Variants in ADAMTSL1 observed in about 807,000 individuals in gnomAD.
ADAMTSL1 encodes the protein ADAMTS-like protein 1.
In ADAMTSL1, 126 loss-of-function variants were observed where a neutral mutation model predicts 201.8. The ratio of observed to expected loss-of-function variants is 0.62; its 90% CI spans 0.54 to 0.72. ADAMTSL1 has a LOEUF of 0.72. Ranked by LOEUF, ADAMTSL1 falls within the 30% of genes least tolerant of loss-of-function variation. The probability of loss-of-function intolerance (pLI) is 0.00; values close to 1 mark genes in which losing one functional copy is unlikely to be tolerated. For synonymous variants in ADAMTSL1, 1,121 were observed against 903.4 expected, an observed-to-expected ratio of 1.24 and a Z score of -4.32; for missense variants, 2,679 against 2,277.8, an observed-to-expected ratio of 1.18 and a Z score of -3.59.
chr9:18,843,578 C>T (rs1397360092), intron 23 of ADAMTSL1, among the ~76,000 whole-genome samples: 1 of 150,426 alleles, frequency 6.6e-6, no homozygotes, highest in East Asian at 1.9e-4. Context: ...CTGAATGTTG[C>T]CCTGCCTTGC....
Position 18,737,290 on chromosome 9 carries a change from G to A in ADAMTSL1, c.2006+15625G>A, listed in dbSNP as rs187281550. ...ACTGAGATCACACCATTGCACTCCA[G>A]CCTGCCCAACAAGAGTGAAACTCTG... On this transcript the variant is annotated intron_variant, in intron 15 of 28. Coordinates refer to ENST00000380548, the MANE Select transcript of ADAMTSL1 (RefSeq NM_001040272.6). Among the ~76,000 whole-genome samples, 44 of 121,562 alleles carry A rather than the reference G, an allele frequency of 3.6e-4. 1 individual carries two copies. The highest frequency in any genetic ancestry group is 1.1e-3 in the African/African-American group (34 of 31,896). The allele number at this position is 121,562 out of a possible 152,430, so 79.7% of individuals were successfully genotyped here.
chr9:18,257,533 G>A (rs1042780352), intron 2 of ADAMTSL1, among the ~76,000 whole-genome samples: 1 of 152,154 alleles, frequency 6.6e-6, no homozygotes, highest in African/African-American at 2.4e-5. Flanking sequence ...AAAATAAAAT[G>A]TGTGGGTGAT....
chr9:18,329,029 A>G (rs750192241), intron 2 of ADAMTSL1, among the ~76,000 whole-genome samples: 2 of 152,000 alleles, frequency 1.3e-5, no homozygotes, highest in Non-Finnish European at 2.9e-5. Context: ...AAAATTTCCT[A>G]TGTTGAAAGC....
At chr9:18,565,252 A>G (rs1416087149) in intron 3 of ADAMTSL1, among the ~76,000 whole-genome samples, 2 of 152,242 alleles carry the variant, frequency 1.3e-5, no homozygotes, top group Non-Finnish European at 2.9e-5. Flanking sequence ...TAGTAAACAC[A>G]TAGTAGGGCA....
At chr9:17,989,207 G>A (rs544774495) in intron 1 of ADAMTSL1, among the ~76,000 whole-genome samples, 1 of 151,922 alleles carries the variant, frequency 6.6e-6, no homozygotes, top group Admixed American at 6.6e-5. Context: ...TACCGAGACA[G>A]TCCTTGATAA....
rs113049145 is a variant in ADAMTSL1 at position 18,089,329 on chromosome 9, G to A, written c.88-74533G>A. Among the ~76,000 whole-genome samples the A allele has an allele frequency of 4.5e-3, 689 of 152,236 alleles. 5 individuals are homozygous for A. The highest frequency in any genetic ancestry group is 0.016 in the African/African-American group (650 of 41,528). ...TGTCCTTTGCAGGAACATGGATGAA[G>A]CTGGGAACCATCGTTCTCAGCAAAC... is the stretch of plus-strand genomic sequence containing the variant. On this transcript the variant is annotated intron_variant, in intron 1 of 29. Transcript: ENST00000680146.
At chr9:18,437,389 C>T (rs917505713) in intron 2 of ADAMTSL1, among the ~76,000 whole-genome samples, 13 of 152,102 alleles carry the variant, frequency 8.5e-5, no homozygotes, top group Admixed American at 3.3e-4. Flanking sequence ...ATTTGTCCCT[C>T]CAGTTTCTTC....
At chr9:18,042,964 T>A (rs1454242155) in intron 1 of ADAMTSL1, among the ~76,000 whole-genome samples, 1 of 152,118 alleles carries the variant, frequency 6.6e-6, no homozygotes, top group Non-Finnish European at 1.5e-5. Context: ...TGATAAGAAG[T>A]AATTGAAGCC....
At chr9:18,608,785 G>A (rs1825193031) in intron 4 of ADAMTSL1, among the ~76,000 whole-genome samples, 1 of 152,082 alleles carries the variant, frequency 6.6e-6, no homozygotes, top group South Asian at 2.1e-4. Flanking sequence ...AGGATTTTGT[G>A]ACTCCTGTTT....
intron 2 of ADAMTSL1, among the ~76,000 whole-genome samples, chr9:18,408,447 G>T (rs187403897): frequency 6.6e-6 from 1 of 151,922 alleles, no homozygotes; most frequent in Admixed American, 6.6e-5. Flanking sequence ...CTCCAGCCTG[G>T]GTGATAGAGT....
At chr9:18,557,919 T>C (rs994016953) in intron 3 of ADAMTSL1, among the ~76,000 whole-genome samples, 5 of 152,006 alleles carry the variant, frequency 3.3e-5, no homozygotes, top group African/African-American at 1.2e-4. Flanking sequence ...TTATATATAA[T>C]TAAAAAGCAC....
chr9:18,905,732 C>A (rs1830265474), intron 26 of ADAMTSL1, 50 bp from the exon 27 acceptor site: 6 of 1,494,938 alleles, frequency 4.0e-6, no homozygotes, highest in Middle Eastern at 1.8e-4. Flanking sequence ...CGGCGGCCTC[C>A]ACCCTTGACT....
At chr9:18,602,810 T>A (rs1038896191) in intron 4 of ADAMTSL1, among the ~76,000 whole-genome samples, 2 of 152,178 alleles carry the variant, frequency 1.3e-5, no homozygotes, top group South Asian at 2.1e-4. Context: ...TGTAGAAAGG[T>A]ATCTGACACA....
intron 22 of ADAMTSL1, among the ~76,000 whole-genome samples, chr9:18,828,210 C>G (rs1824713712): frequency 6.6e-6 from 1 of 152,106 alleles, no homozygotes; most frequent in Non-Finnish European, 1.5e-5. Context: ...AAGTGGTGGC[C>G]TCTACCCCTG....
intron 1 of ADAMTSL1, among the ~76,000 whole-genome samples, chr9:18,046,124 G>A (rs573551021): frequency 1.3e-5 from 2 of 152,268 alleles, no homozygotes; most frequent in African/African-American, 2.4e-5. Flanking sequence ...TAAGGGAATG[G>A]CAAGTTGAGG....
chr9:18,266,974 A>G (rs1263308604), intron 2 of ADAMTSL1, among the ~76,000 whole-genome samples: 3 of 152,170 alleles, frequency 2.0e-5, no homozygotes, highest in Non-Finnish European at 4.4e-5. Context: ...AAGACGACGT[A>G]CACAGCAGGA....
intron 23 of ADAMTSL1, among the ~76,000 whole-genome samples, chr9:18,832,308 T>G (rs1250267463): frequency 6.6e-6 from 1 of 152,124 alleles, no homozygotes; most frequent in Non-Finnish European, 1.5e-5. Flanking sequence ...CAGACCACAG[T>G]GTGCGCTCTG....
chr9:18,579,506 A>T (rs1490033648), intron 4 of ADAMTSL1, among the ~76,000 whole-genome samples: 3 of 152,100 alleles, frequency 2.0e-5, no homozygotes, highest in Non-Finnish European at 4.4e-5. Context: ...TAAAAAATAA[A>T]TAAATAAAAA....
rs533137954 is a variant in ADAMTSL1 at position 17,969,814 on chromosome 9, C to T, written c.87+62892C>T. Among the ~76,000 whole-genome samples the T allele has an allele frequency of 5.0e-4, 76 of 151,874 alleles. 1 individual carries two copies. Among genetic ancestry groups the T allele is most frequent in the Middle Eastern group, 3.4e-3 (1 of 294 alleles). Reference sequence around the variant, plus strand: ...TATTTCCATTAGGCCAGTAAAAAAGCGGAAAATAATTTTATAAAGGTAACA... The same window carrying T: ...TATTTCCATTAGGCCAGTAAAAAAGTGGAAAATAATTTTATAAAGGTAACA... On this transcript the variant is annotated intron_variant, in intron 1 of 29. Coordinates refer to the ADAMTSL1 transcript ENST00000680146.
Sources: gnomAD v4.1 joint callset for allele counts (sites outside exome capture counted in the v4.1 genomes callset) on GRCh38, gnomAD v4.1.1 for gene constraint, MANE v1.5 for transcripts, NCBI Gene and HGNC (gene_info 2026-07-23, HGNC 2026-07-21) for gene names.